The following NGFR variants were observed in gnomAD, a reference collection of about 807,000 sequenced individuals.
NGFR encodes tumor necrosis factor receptor superfamily member 16.
A neutral mutation model predicts 43.2 loss-of-function variants in NGFR; 30 were observed. That is an observed-to-expected ratio of 0.69 (90% CI 0.52 to 0.94). The LOEUF is 0.94. Ranked by LOEUF, NGFR falls within the 40% of genes least tolerant of loss-of-function variation. NGFR has a pLI of 0.00. For synonymous variants in NGFR, 246 were observed against 259.6 expected, an observed-to-expected ratio of 0.95 and a Z score of 0.50; for missense variants, 529 against 602.5, an observed-to-expected ratio of 0.88 and a Z score of 1.28.
chr17:49,502,000 A>ACCGCCCC, intron 1 of NGFR, 63 bp from the exon 2 acceptor site: 8 of 264,882 alleles, frequency 3.0e-5, no homozygotes, highest in East Asian at 8.6e-5. Context: ...CCCCGGAAGA[A>ACCGCCCC]CCCCCCCCAA....
rs375985520 is a variant in NGFR at position 49,512,857 on chromosome 17, C to T, written c.1132C>T (p.His378Tyr). The change falls in exon 6 of 6, where the codon CAT becomes TAT. Residue 378 changes from histidine (H) to tyrosine (Y), a missense_variant. His to Tyr is a moderately conservative substitution (Grantham distance 83). Transcript: ENST00000172229. The surrounding 1 kb of genome is among the most constrained non-coding windows in gnomAD (Gnocchi z 5.2). ...YQPEHIDSFTHEACPVRALLA... is the reference protein window; with the variant it reads ...YQPEHIDSFTYEACPVRALLA... Reference sequence around the variant, plus strand: ...GCCCGAGCACATAGACTCCTTTACCCATGAGGCCTGCCCCGTTCGCGCCCT... The same window carrying T: ...GCCCGAGCACATAGACTCCTTTACCTATGAGGCCTGCCCCGTTCGCGCCCT... 26 of 1,613,448 alleles carry T rather than the reference C, an allele frequency of 1.6e-5. No individual in the cohort carries two copies. The highest frequency in any genetic ancestry group is 1.9e-5 in the Non-Finnish European group (23 of 1,179,944).
At chr17:49,503,242 G>A (rs1176844529) in intron 2 of NGFR, among the ~76,000 whole-genome samples, 1 of 152,222 alleles carries the variant, frequency 6.6e-6, no homozygotes, top group South Asian at 2.1e-4. Flanking sequence ...TCTTTCAGGA[G>A]GGGAGAGAAT....
In NGFR at chr17:49,512,379, T is replaced by C. The variant is rs1261768842; in HGVS notation, c.982+327T>C. Among the ~76,000 whole-genome samples, 1 of 152,230 alleles carries C rather than the reference T, an allele frequency of 6.6e-6. No homozygotes were observed. The highest frequency in any genetic ancestry group is 1.5e-5 in the Non-Finnish European group (1 of 68,034). ...GGAACAAGTAGTTAAGTGTGTACCC[T>C]AATTAGTGGCCCATAGCCCAGCTCC... On this transcript the variant is annotated intron_variant, in intron 5 of 5. Transcript: ENST00000172229. This position sits in a 1 kb window ranked among gnomAD's most constrained non-coding sequence, Gnocchi z 5.2.
chr17:49,496,401 C>A (rs1397912360), intron 1 of NGFR: 2 of 152,246 alleles, frequency 1.3e-5, no homozygotes, highest in Admixed American at 6.5e-5. Context: ...GCTCCTCCGA[C>A]GCGCGTGTTC....
intron 1 of NGFR, 64 bp from the exon 2 acceptor site, chr17:49,501,999 A>ATGGGCCCCCCCCCCCCC: frequency 1.8e-5 from 6 of 330,982 alleles, no homozygotes; most frequent in Non-Finnish European, 2.9e-5. Flanking sequence ...TCCCCGGAAG[A>ATGGGCCCCCCCCCCCCC]ACCCCCCCCA....
At chr17:49,499,327 A>T (rs1455202610) in intron 1 of NGFR, among the ~76,000 whole-genome samples, 1 of 152,208 alleles carries the variant, frequency 6.6e-6, no homozygotes, top group Non-Finnish European at 1.5e-5. Context: ...AAACTGGAAC[A>T]CAGCCAATGG....
intron 1 of NGFR, chr17:49,497,504 T>TG (rs2071145627): frequency 6.6e-6 from 1 of 152,398 alleles, no homozygotes. Context: ...GGAGGGGAGC[T>TG]GGGCGTGGAG....
intron 2 of NGFR, among the ~76,000 whole-genome samples, chr17:49,502,820 C>CTTCA (rs1567738570): frequency 2.2e-5 from 2 of 90,888 alleles, no homozygotes; most frequent in East Asian, 4.6e-4. Flanking sequence ...GGATTTCTTC[C>CTTCA]TTCCTTCCTT....
In NGFR at chr17:49,495,730, G is replaced by A. The variant is rs183153902; in HGVS notation, c.66+247G>A. ...CGGATGCCGGTCCTCAGGTACCGCA[G>A]GGGGCGGTGGGGGAGCTGGGAGGGG... On this transcript the variant is annotated intron_variant, in intron 1 of 5. Transcript: ENST00000172229. The surrounding 1 kb of genome is among the most constrained non-coding windows in gnomAD (Gnocchi z 6.4). 3.3e-5 allele frequency: 13 copies of A among 393,192 alleles called. No individual in the cohort carries two copies. In the East Asian group the frequency reaches 4.7e-4, roughly 14 times the overall value. The allele number at this position is 393,192 out of a possible 1,614,324, so 24.4% of individuals were successfully genotyped here.
At chr17:49,508,683 T>C (rs2071213820) in intron 3 of NGFR, among the ~76,000 whole-genome samples, 1 of 152,176 alleles carries the variant, frequency 6.6e-6, no homozygotes, top group Admixed American at 6.5e-5. Flanking sequence ...CGGAAATGGC[T>C]GTCAGGACCT....
At position 49,512,301 on chromosome 17, in the gene NGFR, G is replaced by A. The variant is rs896355185; in HGVS notation, c.982+249G>A. ...CATCAAGCTAATTGTCCCCCCTGGG[G>A]GCTAATTATTGCCCAAAGTAGCTGC... On this transcript the variant is annotated intron_variant, in intron 5 of 5. Coordinates refer to ENST00000172229, the MANE Select transcript of NGFR (RefSeq NM_002507.4). The surrounding 1 kb of genome is among the most constrained non-coding windows in gnomAD (Gnocchi z 5.2). Among the ~76,000 whole-genome samples the A allele has an allele frequency of 6.6e-6, 1 of 152,094 alleles. No individual in the cohort carries two copies. Among genetic ancestry groups the A allele is most frequent in the South Asian group, 2.1e-4 (1 of 4,824 alleles).
chr17:49,508,875 G>T (rs532121890), intron 3 of NGFR, among the ~76,000 whole-genome samples: 1 of 152,184 alleles, frequency 6.6e-6, no homozygotes, highest in Admixed American at 6.5e-5. Flanking sequence ...TCTCGGTGAT[G>T]GTCTCATTCA....
chr17:49,512,140 G>T lies in NGFR; in HGVS notation c.982+88G>T. ...GATTAGACTCCAGGAAGGACTGTCG[G>T]GGGGGCGGCAGGGCTGGCTCAGCGG... On this transcript the variant is annotated intron_variant, in intron 5 of 5. Coordinates refer to ENST00000172229, the MANE Select transcript of NGFR (RefSeq NM_002507.4). This position sits in a 1 kb window ranked among gnomAD's most constrained non-coding sequence, Gnocchi z 5.2. 2 of 1,484,542 alleles carry T rather than the reference G, an allele frequency of 1.3e-6. No homozygotes were observed. Among genetic ancestry groups the T allele is most frequent in the Non-Finnish European group, 9.0e-7 (1 of 1,108,324 alleles). 92.0% of individuals were successfully genotyped at this position (1,484,542 alleles called of 1,614,324 possible).
At chr17:49,508,179 A>C (rs1168883446) in intron 3 of NGFR, among the ~76,000 whole-genome samples, 1 of 152,236 alleles carries the variant, frequency 6.6e-6, no homozygotes, top group African/African-American at 2.4e-5. Flanking sequence ...GGCAGAGCGC[A>C]GGAAGGGTTT....
In NGFR at chr17:49,502,058, T is replaced by A. The variant is rs1370851848; in HGVS notation, c.67-5T>A. On this transcript the variant is annotated splice_region_variant and splice_polypyrimidine_tract_variant and intron_variant, in intron 1 of 5. Transcript: ENST00000172229. The stretch of plus-strand genomic sequence containing the variant: ...AGTCTGACCCTCCGATCTCCCTCCA[T>A]CCAGGTGTCCCTTGGAGGTGCCAAG... 2.4e-6 allele frequency: 3 copies of A among 1,250,560 alleles called. No homozygotes were observed. The highest frequency in any genetic ancestry group is 3.1e-6 in the Non-Finnish European group (3 of 959,410). The allele number at this position is 1,250,560 out of a possible 1,614,324, so 77.5% of individuals were successfully genotyped here.
At chr17:49,506,186 C>A in intron 2 of NGFR, 113 bp from the exon 3 acceptor site, 1 of 1,483,696 alleles carries the variant, frequency 6.7e-7, no homozygotes, top group South Asian at 1.4e-5. Context: ...GATGAGAAGG[C>A]TGAAGGAGGA....
intron 2 of NGFR, chr17:49,506,061 C>T: frequency 1.4e-6 from 1 of 692,686 alleles, no homozygotes; most frequent in Non-Finnish European, 2.2e-6. Context: ...TCCCGGCCGG[C>T]CAGTGCTTCT....
intron 3 of NGFR, among the ~76,000 whole-genome samples, chr17:49,508,305 A>T (rs1469218593): frequency 6.6e-6 from 1 of 152,164 alleles, no homozygotes; most frequent in African/African-American, 2.4e-5. Flanking sequence ...AAAGGTGGTG[A>T]CTGTGGGAGG....
intron 3 of NGFR, among the ~76,000 whole-genome samples, chr17:49,508,666 T>A (rs11466143): frequency 0.12 from 18,202 of 152,176 alleles, 1,376 homozygotes; most frequent in South Asian, 0.21. Flanking sequence ...GGTCCCTCCA[T>A]GCAGCCCGGA....
Sources: allele counts gnomAD v4.1 joint callset (sites outside exome capture counted in the v4.1 genomes callset), GRCh38; gene constraint gnomAD v4.1.1; non-coding constraint Gnocchi (gnomAD v3.1); transcripts MANE v1.5; gene names NCBI Gene and HGNC (gene_info 2026-07-23, HGNC 2026-07-21).